UGT1A10: variants seen among roughly 807,000 people sequenced by gnomAD.
UGT1A10 encodes UDP glucuronosyltransferase family 1 member A10.
UGT1A10 carries 49 observed loss-of-function variants against 45.8 expected under a neutral mutation model. That is an observed-to-expected ratio of 1.07 (90% confidence interval 0.85 to 1.36). UGT1A10 has a LOEUF of 1.36. Ranked by LOEUF, UGT1A10 falls within the 40% of genes most tolerant of loss-of-function variation. The pLI is 0.00. For synonymous variants in UGT1A10, 284 were observed against 249.7 expected, an observed-to-expected ratio of 1.14 and a Z score of -1.29; for missense variants, 745 against 668.6, an observed-to-expected ratio of 1.11 and a Z score of -1.26.
intron 1 of UGT1A10, chr2:233,747,713 T>A (rs1051640547): frequency 6.2e-7 from 1 of 1,613,024 alleles, no homozygotes; most frequent in African/African-American, 1.3e-5. Context: ...ACCTATCAAT[T>A]CCTGCTGTGT....
At chr2:233,767,325 T>C (rs1479941821) in intron 2 of UGT1A10, among the ~76,000 whole-genome samples, 160 bp downstream of exon 2, 1 of 152,210 alleles carries the variant, frequency 6.6e-6, no homozygotes, top group Non-Finnish European at 1.5e-5. Flanking sequence ...TTGTTGTGGT[T>C]GTTGTCATTG....
At chr2:233,638,687 C>T (rs2073369948) in intron 1 of UGT1A10, among the ~76,000 whole-genome samples, 1 of 152,100 alleles carries the variant, frequency 6.6e-6, no homozygotes, top group South Asian at 2.1e-4. Flanking sequence ...GTGGAGTACA[C>T]ATTTTTATGT....
rs189112981 is a variant in UGT1A10, at chr2:233,747,187, A to C, written c.856-19847A>C. 2.8e-4 allele frequency: 449 copies of C among 1,603,370 alleles called. 14 individuals carry two copies. The African/African-American group carries it at 5.5e-3, about 19-fold the overall frequency. On this transcript the variant is annotated intron_variant, in intron 1 of 4. Coordinates refer to ENST00000344644, the MANE Select transcript of UGT1A10 (RefSeq NM_019075.4). ...GTAGGAGGCACAGCGTGGGGTGGACAGTCAGCTGTCCGTGTCTTCTGCTGA... is the reference window on the plus strand; with the variant it reads ...GTAGGAGGCACAGCGTGGGGTGGACCGTCAGCTGTCCGTGTCTTCTGCTGA...
At chr2:233,711,040 C>T (rs1449221442) in intron 1 of UGT1A10, among the ~76,000 whole-genome samples, 1 of 152,212 alleles carries the variant, frequency 6.6e-6, no homozygotes, top group African/African-American at 2.4e-5. Context: ...GGTGACCTCA[C>T]TGACACCCAT....
Position 233,725,061 on chromosome 2 carries a change from C to A in UGT1A10, c.856-41973C>A, listed in dbSNP as rs1212157566. ...AACCAGTCAGGCGTGGCGGCGCGCG[C>A]CTGCAATCGCAGGCACTCGGCAGGC... On this transcript the variant is annotated intron_variant, in intron 1 of 4. Coordinates refer to ENST00000344644, the MANE Select transcript of UGT1A10 (RefSeq NM_019075.4). Among the ~76,000 whole-genome samples, 5 of 147,130 alleles carry A rather than the reference C, an allele frequency of 3.4e-5. 1 individual carries two copies. The highest frequency in any genetic ancestry group is 1.3e-4 in the African/African-American group (5 of 39,402).
Position 233,772,679 on chromosome 2 carries a change from T to C in UGT1A10, c.*120T>C. On this transcript the variant is annotated 3_prime_UTR_variant, in exon 5 of 5. Transcript: ENST00000344644. ...TAAGGAAATACTTTGCATAAATTAATCAGCCCCAGAGTGCTTTAAAAAATT... is the reference window on the plus strand; with the variant it reads ...TAAGGAAATACTTTGCATAAATTAACCAGCCCCAGAGTGCTTTAAAAAATT... The C allele has an allele frequency of 6.5e-7, 1 of 1,531,230 alleles. No homozygotes were observed. Among genetic ancestry groups the C allele is most frequent in the Non-Finnish European group, 8.8e-7 (1 of 1,141,982 alleles). 94.9% of individuals were successfully genotyped at this position (1,531,230 alleles called of 1,614,324 possible).
intron 1 of UGT1A10, among the ~76,000 whole-genome samples, chr2:233,673,105 G>A (rs1221114647): frequency 6.6e-6 from 1 of 152,020 alleles, no homozygotes; most frequent in Non-Finnish European, 1.5e-5. Context: ...CTATATGCCC[G>A]CCCCAGAGGA....
chr2:233,760,960 G>C (rs144721642), intron 1 of UGT1A10: 1 of 1,614,048 alleles, frequency 6.2e-7, no homozygotes, highest in Non-Finnish European at 8.5e-7. Flanking sequence ...TCTGTGCGAC[G>C]TGGTTTATTC....
At chr2:233,662,536 T>C (rs2073997143) in intron 1 of UGT1A10, among the ~76,000 whole-genome samples, 1 of 152,238 alleles carries the variant, frequency 6.6e-6, no homozygotes, top group African/African-American at 2.4e-5. Context: ...GAGGTTGTTG[T>C]AGAGTTTGTT....
chr2:233,663,703 C>A (rs1559330276), intron 1 of UGT1A10, among the ~76,000 whole-genome samples: 2 of 152,146 alleles, frequency 1.3e-5, no homozygotes, highest in African/African-American at 4.8e-5. Flanking sequence ...TTGTTTTAAA[C>A]AACTATAAAA....
intron 1 of UGT1A10, among the ~76,000 whole-genome samples, chr2:233,678,646 T>C (rs1309873560): frequency 2.6e-5 from 4 of 152,218 alleles, no homozygotes; most frequent in African/African-American, 7.2e-5. Context: ...TCTTAAATAA[T>C]TGGAAGCATT....
At chr2:233,644,682 C>A (rs920454149) in intron 1 of UGT1A10, among the ~76,000 whole-genome samples, 1 of 152,174 alleles carries the variant, frequency 6.6e-6, no homozygotes, top group Non-Finnish European at 1.5e-5. Context: ...CAGTGCCTCC[C>A]AATTGTCTCC....
chr2:233,645,412 C>T (rs1304188817), intron 1 of UGT1A10, among the ~76,000 whole-genome samples: 1 of 152,186 alleles, frequency 6.6e-6, no homozygotes, highest in Non-Finnish European at 1.5e-5. Flanking sequence ...AACAGTCCCG[C>T]AAAGTCTCAG....
At chr2:233,718,969 A>G (rs2076707871) in intron 1 of UGT1A10, 4 of 1,614,166 alleles carry the variant, frequency 2.5e-6, no homozygotes, top group Non-Finnish European at 3.4e-6. Context: ...GCCTTGCGGG[A>G]GCTCCATGCC....
Position 233,691,273 on chromosome 2 carries a change from T to A in UGT1A10, c.855+53896T>A, listed in dbSNP as rs921179484. 1.2e-5 allele frequency: 12 copies of A among 985,424 alleles called. No individual in the cohort carries two copies. In the African/African-American group the frequency reaches 2.1e-4, roughly 17 times the overall value. The allele number at this position is 985,424 out of a possible 1,614,324, so 61.0% of individuals were successfully genotyped here. On this transcript the variant is annotated intron_variant, in intron 1 of 4. Coordinates refer to ENST00000344644, the MANE Select transcript of UGT1A10 (RefSeq NM_019075.4). ...TCAAAGCAAGATGCTGCCGCCCCCA[T>A]GACTTTGATCATTGTAAGCTGCCAA...
At position 233,652,425 on chromosome 2, in the gene UGT1A10, TA is replaced by T. The variant is rs1313251222; in HGVS notation, c.855+15050del. 2.6e-5 allele frequency among the ~76,000 whole-genome samples: 4 copies of T among 152,330 alleles called. No homozygotes were observed. In the East Asian group the frequency reaches 5.8e-4, roughly 22 times the overall value. Reference sequence around the variant, plus strand: ...TTTTTTTAAAAATAAATTTTGGCTATAATTTTTTAATGGAAATGCTGGAGAT... The same window carrying T: ...TTTTTTTAAAAATAAATTTTGGCTATATTTTTTAATGGAAATGCTGGAGAT... On this transcript the variant is annotated intron_variant, in intron 1 of 4. Transcript: ENST00000344644.
intron 1 of UGT1A10, among the ~76,000 whole-genome samples, chr2:233,669,584 A>G (rs1289461538): frequency 6.6e-6 from 1 of 152,022 alleles, no homozygotes; most frequent in African/African-American, 2.4e-5. Context: ...CCAATTTTCA[A>G]TTGTTCATTG....
chr2:233,754,484 A>G (rs1052764550), intron 1 of UGT1A10: 3 of 358,432 alleles, frequency 8.4e-6, no homozygotes, highest in African/African-American at 2.1e-5. Context: ...TTCACTTTCA[A>G]TCCTAAAAAA....
chr2:233,724,349 A>C, intron 1 of UGT1A10, among the ~76,000 whole-genome samples: 2 of 126,484 alleles, frequency 1.6e-5, no homozygotes, highest in Non-Finnish European at 1.7e-5. Flanking sequence ...GACCCCCCCC[A>C]CCTCCCTCCC....
Sources: allele counts gnomAD v4.1 joint callset (sites outside exome capture counted in the v4.1 genomes callset), GRCh38; gene constraint gnomAD v4.1.1; transcripts MANE v1.5; gene names NCBI Gene and HGNC (gene_info 2026-07-23, HGNC 2026-07-21).